The following MAP2K5 variants were observed in gnomAD, a reference collection of about 807,000 sequenced individuals.
The protein encoded by MAP2K5 is dual specificity mitogen-activated protein kinase kinase 5.
In MAP2K5, 49 loss-of-function variants were observed where a neutral mutation model predicts 83.1. That is an observed-to-expected ratio of 0.59 (90% CI 0.47 to 0.75). The LOEUF (loss-of-function observed/expected upper bound fraction) is 0.75. Ranked by LOEUF, MAP2K5 falls within the 30% of genes least tolerant of loss-of-function variation. The pLI is 0.00. For missense variants in MAP2K5, 457 were observed against 557.5 expected (o/e 0.82, Z 1.82); for synonymous variants, 202 against 191.8 (o/e 1.05, Z -0.44).
intron 12 of MAP2K5, among the ~76,000 whole-genome samples, chr15:67,663,708 A>G (rs2087298051): frequency 1.3e-5 from 2 of 152,122 alleles, no homozygotes; most frequent in South Asian, 4.1e-4. Context: ...TCACATCTCT[A>G]CAAAAAATAT....
intron 17 of MAP2K5, among the ~76,000 whole-genome samples, chr15:67,735,941 G>A (rs58511679): frequency 0.11 from 16,382 of 152,168 alleles, 979 homozygotes; most frequent in Admixed American, 0.11. Context: ...GGGAAAGGAT[G>A]TGCTAGGTAC....
intron 8 of MAP2K5, among the ~76,000 whole-genome samples, chr15:67,604,186 G>A (rs2085727413): frequency 6.6e-6 from 1 of 152,236 alleles, no homozygotes; most frequent in Non-Finnish European, 1.5e-5. Flanking sequence ...CTGACGAGCT[G>A]TGCTCTATAT....
chr15:67,708,889 G>A lies in MAP2K5; in HGVS notation c.1044+5481G>A, dbSNP rs933250096. The stretch of plus-strand genomic sequence containing the variant: ...CTATCTTTTATCCAGGGACAGAATC[G>A]CTTCTCTCTCCTTTCAGTACAGTAT... On this transcript the variant is annotated intron_variant, in intron 16 of 21. Transcript: ENST00000178640. This position sits in a 1 kb window ranked among gnomAD's most constrained non-coding sequence, Gnocchi z 4.9. Among the ~76,000 whole-genome samples, 1 of 152,012 alleles carries A rather than the reference G, an allele frequency of 6.6e-6. No individual in the cohort carries two copies. Among genetic ancestry groups the A allele is most frequent in the African/African-American group, 2.4e-5 (1 of 41,362 alleles).
chr15:67,583,348 A>G (rs1273193444), intron 4 of MAP2K5, among the ~76,000 whole-genome samples: 2 of 152,166 alleles, frequency 1.3e-5, no homozygotes, highest in African/African-American at 4.8e-5. Flanking sequence ...AGGAAATTAT[A>G]TGAGATGTCA....
In MAP2K5 at chr15:67,552,365, T is replaced by C. The variant is rs1306845725; in HGVS notation, c.184+2283T>C. Among the ~76,000 whole-genome samples, 1 of 152,206 alleles carries C rather than the reference T, an allele frequency of 6.6e-6. No homozygotes were observed. Among genetic ancestry groups the C allele is most frequent in the Admixed American group, 6.5e-5 (1 of 15,280 alleles). On this transcript the variant is annotated intron_variant, in intron 2 of 21. Transcript: ENST00000178640. The surrounding 1 kb of genome is among the most constrained non-coding windows in gnomAD (Gnocchi z 4.2). ...AGTTAACATTCGGAGTACTTACTGT[T>C]GACAGATGCTTTGCTAAGAGCATTC...
chr15:67,678,912 T>C (rs898279388), intron 13 of MAP2K5, among the ~76,000 whole-genome samples: 6 of 134,412 alleles, frequency 4.5e-5, no homozygotes, highest in African/African-American at 1.7e-4. Flanking sequence ...TGCAGTGAGG[T>C]GAGATCGTGC....
At chr15:67,592,034 C>G (rs1351655688) in intron 6 of MAP2K5, among the ~76,000 whole-genome samples, 1 of 141,646 alleles carries the variant, frequency 7.1e-6, no homozygotes, top group Non-Finnish European at 1.5e-5. Context: ...TCGCTTGAAC[C>G]TGGGAGGTGG....
chr15:67,772,708 A>G lies in MAP2K5; in HGVS notation c.1198A>G (p.Met400Val). The G allele has an allele frequency of 6.2e-7, 1 of 1,603,510 alleles. No homozygotes were observed. The highest frequency in any genetic ancestry group is 8.5e-7 in the Non-Finnish European group (1 of 1,174,688). Reference sequence around the variant, plus strand: ...GGGGTTTTTTTCTCTCCACTATAGTATGCGAAAACAGCCAAAAGAAAGGCC... The same window carrying G: ...GGGGTTTTTTTCTCTCCACTATAGTGTGCGAAAACAGCCAAAAGAAAGGCC... ...EPFVHFITQC[M>V]RKQPKERPAP... Residue 400 changes from methionine (M) to valine (V), a missense_variant and splice_region_variant, in exon 21 of 22, where the codon ATG (methionine) becomes GTG (valine). Transcript: ENST00000178640.
chr15:67,804,714 C>T lies in MAP2K5; in HGVS notation c.1243-1932C>T, dbSNP rs72751449. On this transcript the variant is annotated intron_variant, in intron 21 of 21. Transcript: ENST00000178640. ...CTGGGAAAGTGACACTGTGTTACCC[C>T]GGGCGTGGGGGGAGGGGCCCGTCAC... Among the ~76,000 whole-genome samples, 1,297 of 152,340 alleles carry T rather than the reference C, an allele frequency of 8.5e-3. 24 individuals carry two copies. The highest frequency in any genetic ancestry group is 9.0e-3 in the Non-Finnish European group (611 of 68,034).
chr15:67,667,259 A>G (rs2087403742), intron 13 of MAP2K5, among the ~76,000 whole-genome samples: 1 of 152,226 alleles, frequency 6.6e-6, no homozygotes, highest in African/African-American at 2.4e-5. Context: ...AAAAAATTGT[A>G]GCTTTTTAGA....
intron 13 of MAP2K5, among the ~76,000 whole-genome samples, chr15:67,688,259 T>C (rs1215033403): frequency 1.3e-5 from 2 of 152,182 alleles, no homozygotes; most frequent in African/African-American, 4.8e-5. Context: ...CTTGGGGACC[T>C]CTGGGAGGAC....
Position 67,587,989 on chromosome 15 carries a change from TCCGTTCTTGGC to T in MAP2K5, c.431+1079_431+1089del. On this transcript the variant is annotated intron_variant, in intron 6 of 21. Transcript: ENST00000178640. The surrounding 1 kb of genome is among the most constrained non-coding windows in gnomAD (Gnocchi z 4.8). ...CACAGCCTCCTGAGAGTCTACTCCC[TCCGTTCTTGGC>T]CCATTCAGCCCCTCCTCCACCCTGC... 3 of 432,322 alleles carry T rather than the reference TCCGTTCTTGGC, an allele frequency of 6.9e-6. No individual in the cohort carries two copies. Among genetic ancestry groups the T allele is most frequent in the Non-Finnish European group, 9.2e-6 (3 of 324,448 alleles). 26.8% of individuals were successfully genotyped at this position (432,322 alleles called of 1,614,324 possible).
chr15:67,631,723 C>T (rs1214165996), intron 9 of MAP2K5, among the ~76,000 whole-genome samples: 1 of 152,186 alleles, frequency 6.6e-6, no homozygotes, highest in African/African-American at 2.4e-5. Flanking sequence ...TCCTGCCATG[C>T]CACTTTGGAT....
At chr15:67,664,523 T>A in intron 12 of MAP2K5, 74 bp from the exon 13 acceptor site, 3 of 937,276 alleles carry the variant, frequency 3.2e-6, no homozygotes, top group Non-Finnish European at 3.4e-6. Flanking sequence ...AAATGTTGAA[T>A]GTATTTAAAT....
chr15:67,664,331 A>C, intron 12 of MAP2K5, among the ~76,000 whole-genome samples: 1 of 57,142 alleles, frequency 1.8e-5, no homozygotes, highest in African/African-American at 7.4e-5. Flanking sequence ...CCCTGTTTCT[A>C]CCAAAAAAAA....
At chr15:67,549,072 CTT>C (rs1357099256) in intron 1 of MAP2K5, 3 of 1,528,140 alleles carry the variant, frequency 2.0e-6, no homozygotes, top group East Asian at 2.5e-5. Flanking sequence ...CTGCGAGCGG[CTT>C]TGTCAGCCGG....
intron 3 of MAP2K5, among the ~76,000 whole-genome samples, chr15:67,570,812 A>G (rs557427779): frequency 9.2e-5 from 14 of 152,234 alleles, no homozygotes; most frequent in Non-Finnish European, 1.5e-4. Context: ...ACTGAGCTAC[A>G]TATAATAGGG....
At chr15:67,765,537 A>T (rs1462905656) in intron 19 of MAP2K5, among the ~76,000 whole-genome samples, 1 of 152,152 alleles carries the variant, frequency 6.6e-6, no homozygotes, top group East Asian at 1.9e-4. Flanking sequence ...TAAAGCCAAG[A>T]TACATTATAG....
At chr15:67,792,343 A>G (rs190743486) in intron 21 of MAP2K5, among the ~76,000 whole-genome samples, 1 of 152,312 alleles carries the variant, frequency 6.6e-6, no homozygotes, top group East Asian at 1.9e-4. Context: ...TTTTATTTTT[A>G]GATGTGAGGT....
Sources: allele counts gnomAD v4.1 joint callset (sites outside exome capture counted in the v4.1 genomes callset), GRCh38; gene constraint gnomAD v4.1.1; non-coding constraint Gnocchi (gnomAD v3.1); transcripts MANE v1.5; gene names NCBI Gene and HGNC (gene_info 2026-07-23, HGNC 2026-07-21).